Variants in LRP8 observed in about 807,000 individuals in gnomAD.
The protein encoded by LRP8 is low-density lipoprotein receptor-related protein 8.
LRP8 carries 46 observed loss-of-function variants against 111.6 expected under a neutral mutation model. The ratio of observed to expected loss-of-function variants is 0.41; its 90% CI spans 0.33 to 0.53. The LOEUF (loss-of-function observed/expected upper bound fraction) is 0.53. Ranked by LOEUF, LRP8 falls within the 20% of genes least tolerant of loss-of-function variation. LRP8 has a pLI of 0.20. For missense variants in LRP8, 959 were observed against 1,297.4 expected (o/e 0.74, Z 4.01); for synonymous variants, 464 against 511.2 (o/e 0.91, Z 1.24).
chr1:53,327,044 C>T (rs1338710449), intron 1 of LRP8, 52 bp from the exon 2 acceptor site: 1 of 1,599,718 alleles, frequency 6.3e-7, no homozygotes, highest in African/African-American at 1.3e-5. Flanking sequence ...CCCCACTCCC[C>T]ACCATGCAGT....
At chr1:53,287,496 T>C (rs879724744) in intron 3 of LRP8, among the ~76,000 whole-genome samples, 7 of 152,094 alleles carry the variant, frequency 4.6e-5, no homozygotes, top group African/African-American at 9.7e-5. Flanking sequence ...TGGGAAGATA[T>C]GCAGGGCTTC....
intron 1 of LRP8, chr1:53,327,505 G>C (rs1319304913): frequency 5.8e-6 from 2 of 342,692 alleles, no homozygotes; most frequent in Non-Finnish European, 1.0e-5. Flanking sequence ...CAGCTCATCC[G>C]GAACCATGAA....
chr1:53,327,688 AT>A, intron 1 of LRP8, 100 bp downstream of exon 1: 2 of 1,306,446 alleles, frequency 1.5e-6, no homozygotes, highest in African/African-American at 3.1e-5. Context: ...GGAGCCCCCG[AT>A]AGCCCCGGGT....
rs1651313246 is a variant in LRP8, at chr1:53,303,222, G to C, written c.245-13533C>G. 6.6e-6 allele frequency among the ~76,000 whole-genome samples: 1 copy of C among 152,214 alleles called. No individual in the cohort carries two copies. Among genetic ancestry groups the C allele is most frequent in the Admixed American group, 6.5e-5 (1 of 15,294 alleles). On this transcript the variant is annotated intron_variant, in intron 2 of 18. Coordinates refer to ENST00000306052, the MANE Select transcript of LRP8 (RefSeq NM_004631.5). This position sits in a 1 kb window ranked among gnomAD's most constrained non-coding sequence, Gnocchi z 4.3. Reference sequence around the variant, plus strand: ...GCTGGGTTGCCTCCCCGTTCGAATGGGAGAGGGCCGGGGGCAGACAGGCAA... The same window carrying C: ...GCTGGGTTGCCTCCCCGTTCGAATGCGAGAGGGCCGGGGGCAGACAGGCAA...
rs1645698365 is a variant in LRP8, at chr1:53,245,089, G to A, written c.*1929C>T. ...ATAGTTATTTTCTTAGAGTTTAGGA[G>A]GCCAAGAGTGACACAGAGGAAGGTC... On this transcript the variant is annotated 3_prime_UTR_variant, in exon 19 of 19. Coordinates refer to ENST00000306052, the MANE Select transcript of LRP8 (RefSeq NM_004631.5). 1 of 152,206 alleles carries A rather than the reference G, an allele frequency of 6.6e-6. No homozygotes were observed. Among genetic ancestry groups the A allele is most frequent in the Non-Finnish European group, 1.5e-5 (1 of 68,040 alleles). The allele number at this position is 152,206 out of a possible 1,614,324, so 9.4% of individuals were successfully genotyped here.
At position 53,288,744 on chromosome 1, in the gene LRP8, C is replaced by T. The variant is rs572742621; in HGVS notation, c.367+823G>A. Among the ~76,000 whole-genome samples, 4 of 152,182 alleles carry T rather than the reference C, an allele frequency of 2.6e-5. No homozygotes were observed. The South Asian group carries it at 6.2e-4, about 24-fold the overall frequency. On this transcript the variant is annotated intron_variant, in intron 3 of 18. Transcript: ENST00000306052. Reference sequence around the variant, plus strand: ...TATCCTCCACATGCTTTTGCCTGAGCCTTTTGTCTCGGGCTCACGCTGCTG... The same window carrying T: ...TATCCTCCACATGCTTTTGCCTGAGTCTTTTGTCTCGGGCTCACGCTGCTG...
intron 3 of LRP8, among the ~76,000 whole-genome samples, chr1:53,282,252 G>C (rs887592541): frequency 3.3e-5 from 5 of 152,162 alleles, no homozygotes; most frequent in African/African-American, 1.2e-4. Context: ...GGTCCCCAAC[G>C]TTATCCCTAG....
intron 3 of LRP8, among the ~76,000 whole-genome samples, chr1:53,285,420 G>A (rs551379692): frequency 6.6e-6 from 1 of 152,270 alleles, no homozygotes; most frequent in Non-Finnish European, 1.5e-5. Flanking sequence ...TGATGTAGGA[G>A]AAAGAGCCTG....
intron 13 of LRP8, among the ~76,000 whole-genome samples, 175 bp from the exon 14 acceptor site, chr1:53,258,646 C>T (rs953289583): frequency 1.3e-5 from 2 of 151,824 alleles, no homozygotes; most frequent in Middle Eastern, 3.2e-3. Context: ...TTGGGATACA[C>T]GTTTTTTGTT....
At chr1:53,306,509 C>A (rs930397747) in intron 2 of LRP8, among the ~76,000 whole-genome samples, 4 of 152,238 alleles carry the variant, frequency 2.6e-5, no homozygotes, top group Admixed American at 6.5e-5. Context: ...AGCTCTACCC[C>A]CCGAGCTGCT....
At chr1:53,289,384 A>T in intron 3 of LRP8, 183 bp downstream of exon 3, 1 of 762,704 alleles carries the variant, frequency 1.3e-6, no homozygotes, top group African/African-American at 1.8e-5. Context: ...GAGGGCTGTG[A>T]AGAAAGTCCA....
In LRP8 at chr1:53,286,123, G is replaced by A. The variant is rs374178842; in HGVS notation, c.367+3444C>T. Reference sequence around the variant, plus strand: ...GTGTCAACCCACGTGAGTTTCAGGGGCAGATAACCTCCAAATGGGGACTGC... The same window carrying A: ...GTGTCAACCCACGTGAGTTTCAGGGACAGATAACCTCCAAATGGGGACTGC... On this transcript the variant is annotated intron_variant, in intron 3 of 18. Coordinates refer to ENST00000306052, the MANE Select transcript of LRP8 (RefSeq NM_004631.5). Among the ~76,000 whole-genome samples, 114 of 152,342 alleles carry A rather than the reference G, an allele frequency of 7.5e-4. 1 individual carries two copies. The South Asian group carries it at 0.022, about 30-fold the overall frequency.
At position 53,266,531 on chromosome 1, in the gene LRP8, C is replaced by T; in HGVS notation, c.1369G>A (p.Val457Met). The change falls in exon 9 of 19, where the codon GTG becomes ATG. Residue 457 changes from valine to methionine, a missense_variant. Coordinates refer to ENST00000306052, the MANE Select transcript of LRP8 (RefSeq NM_004631.5). This position sits in a 1 kb window ranked among gnomAD's most constrained non-coding sequence, Gnocchi z 5.0. ...PMLKNVVALD[V>M]EVATNRIYWC... Reference sequence around the variant, plus strand: ...TAGATGCGATTGGTGGCAACTTCCACATCTAGTGCCACGACATTCTTGAGC... The same window carrying T: ...TAGATGCGATTGGTGGCAACTTCCATATCTAGTGCCACGACATTCTTGAGC... 1.9e-6 allele frequency: 3 copies of T among 1,614,206 alleles called. No homozygotes were observed. Among genetic ancestry groups the T allele is most frequent in the Non-Finnish European group, 2.5e-6 (3 of 1,180,034 alleles).
In LRP8 at chr1:53,309,430, C is replaced by T. The variant is rs114044303; in HGVS notation, c.244+17443G>A. ...CCCTTTGAGGTAGGGCCTGCCAAGA[C>T]GCCCCTGTGCAGAAGAGGAAACCAA... On this transcript the variant is annotated intron_variant, in intron 2 of 18. Coordinates refer to ENST00000306052, the MANE Select transcript of LRP8 (RefSeq NM_004631.5). Among the ~76,000 whole-genome samples, 878 of 152,286 alleles carry T rather than the reference C, an allele frequency of 5.8e-3. 4 individuals are homozygous for T. The highest frequency in any genetic ancestry group is 9.7e-3 in the Admixed American group (148 of 15,294).
At position 53,284,667 on chromosome 1, in the gene LRP8, T is replaced by C. The variant is rs567800232; in HGVS notation, c.368-3952A>G. 8.5e-5 allele frequency among the ~76,000 whole-genome samples: 13 copies of C among 152,340 alleles called. No homozygotes were observed. In the South Asian group the frequency reaches 2.5e-3, roughly 29 times the overall value. On this transcript the variant is annotated intron_variant, in intron 3 of 18. Transcript: ENST00000306052. ...TTGCATAACCTTTCAGCAAGGACAATGATTAAACAATCTGTCTGCTTCCTT... is the reference window on the plus strand; with the variant it reads ...TTGCATAACCTTTCAGCAAGGACAACGATTAAACAATCTGTCTGCTTCCTT...
intron 14 of LRP8, 60 bp from the exon 15 acceptor site, chr1:53,257,524 C>T: frequency 1.6e-6 from 2 of 1,283,200 alleles, no homozygotes; most frequent in Non-Finnish European, 2.2e-6. Context: ...TAAGGTATTG[C>T]CTCTGAGATA....
intron 2 of LRP8, among the ~76,000 whole-genome samples, chr1:53,318,896 C>T (rs554184541): frequency 6.6e-6 from 1 of 152,200 alleles, no homozygotes; most frequent in African/African-American, 2.4e-5. Flanking sequence ...GAACTACCTT[C>T]GTCCAAGCTG....
chr1:53,254,179 G>A (rs113035241), intron 16 of LRP8, among the ~76,000 whole-genome samples: 114 of 152,190 alleles, frequency 7.5e-4, no homozygotes, highest in Non-Finnish European at 1.4e-3. Context: ...ACTGCTAAGA[G>A]AGGGGTGTAC....
chr1:53,266,310 A>G lies in LRP8; in HGVS notation c.1427+163T>C, dbSNP rs949917091. 6.6e-6 allele frequency among the ~76,000 whole-genome samples: 1 copy of G among 152,180 alleles called. No individual in the cohort carries two copies. The highest frequency in any genetic ancestry group is 1.5e-5 in the Non-Finnish European group (1 of 68,016). ...GCCCTCAGACTACTCCAGCCCCAGT[A>G]AAGTCCCAGAAGTTCCATATCCACT... On this transcript the variant is annotated intron_variant, in intron 9 of 18. Transcript: ENST00000306052. This position sits in a 1 kb window ranked among gnomAD's most constrained non-coding sequence, Gnocchi z 5.0.
Sources: gnomAD v4.1 joint callset for allele counts (sites outside exome capture counted in the v4.1 genomes callset) on GRCh38, gnomAD v4.1.1 for gene constraint, Gnocchi (gnomAD v3.1) non-coding constraint, MANE v1.5 for transcripts, NCBI Gene and HGNC (gene_info 2026-07-23, HGNC 2026-07-21) for gene names.